ARIH1: variants seen among roughly 807,000 people sequenced by gnomAD.
The protein encoded by ARIH1 is E3 ubiquitin-protein ligase ARIH1.
A neutral mutation model predicts 85.0 loss-of-function variants in ARIH1; 8 were observed. The ratio of observed to expected loss-of-function variants is 0.09; its 90% CI spans 0.06 to 0.17. ARIH1 has a LOEUF of 0.17. Ranked by LOEUF, ARIH1 falls within the 10% of genes least tolerant of loss-of-function variation. The probability of loss-of-function intolerance (pLI) is 1.00; values close to 1 mark genes in which losing one functional copy is unlikely to be tolerated. For missense variants in ARIH1, 311 were observed against 718.1 expected (o/e 0.43, Z 6.48); for synonymous variants, 238 against 253.6 (o/e 0.94, Z 0.59).
chr15:72,573,988 A>T (rs186041226), intron 11 of ARIH1, among the ~76,000 whole-genome samples: 1 of 152,266 alleles, frequency 6.6e-6, no homozygotes, highest in Admixed American at 6.5e-5. Context: ...TTTATGATGC[A>T]TTACTTGATT....
intron 2 of ARIH1, among the ~76,000 whole-genome samples, chr15:72,521,486 G>C (rs1435032629): frequency 1.3e-5 from 2 of 151,410 alleles, no homozygotes; most frequent in South Asian, 2.1e-4. Flanking sequence ...CCATTCTCTT[G>C]ATGCTTTCTG....
chr15:72,476,794 A>G (rs2063796766), intron 1 of ARIH1, among the ~76,000 whole-genome samples: 1 of 152,212 alleles, frequency 6.6e-6, no homozygotes, highest in Non-Finnish European at 1.5e-5. Flanking sequence ...ATAGCCATTA[A>G]TATGGTTCCA....
rs2064326900 is a variant in ARIH1 at position 72,588,400 on chromosome 15, G to C, written c.*5108G>C. 6.6e-6 allele frequency: 1 copy of C among 152,154 alleles called. No individual in the cohort carries two copies. Among genetic ancestry groups the C allele is most frequent in the South Asian group, 2.1e-4 (1 of 4,830 alleles). The allele number at this position is 152,154 out of a possible 1,614,324, so 9.4% of individuals were successfully genotyped here. On this transcript the variant is annotated 3_prime_UTR_variant, in exon 14 of 14. Transcript: ENST00000379887. The stretch of plus-strand genomic sequence containing the variant: ...CTGAGAAGCTTTAAAAAATATTAGT[G>C]CCTGAGTGTTACTTTATGGAGATTA...
At chr15:72,516,087 G>T (rs1374092) in intron 1 of ARIH1, among the ~76,000 whole-genome samples, 111,240 of 152,122 alleles carry the variant, frequency 0.73, 47,041 homozygotes, top group Non-Finnish European at 0.93. Context: ...ACCAATAACA[G>T]ATTTGGGAAC....
intron 2 of ARIH1, among the ~76,000 whole-genome samples, chr15:72,535,571 A>G (rs1432927143): frequency 6.6e-6 from 1 of 152,244 alleles, no homozygotes; most frequent in East Asian, 1.9e-4. Context: ...CAACTTTTAC[A>G]GCCTGAGGAC....
chr15:72,515,084 C>T (rs898858206), intron 1 of ARIH1, among the ~76,000 whole-genome samples: 16 of 152,092 alleles, frequency 1.1e-4, no homozygotes, highest in African/African-American at 3.9e-4. Context: ...GCCTGTAATC[C>T]GAGCACTTTG....
chr15:72,504,107 T>G (rs1477451537), intron 1 of ARIH1, among the ~76,000 whole-genome samples: 11 of 152,162 alleles, frequency 7.2e-5, no homozygotes, highest in Admixed American at 7.2e-4. Context: ...CAGGCTGGAG[T>G]GCAGTGGCAC....
At chr15:72,538,595 A>T (rs972568925) in intron 2 of ARIH1, among the ~76,000 whole-genome samples, 1 of 152,200 alleles carries the variant, frequency 6.6e-6, no homozygotes, top group Admixed American at 6.5e-5. Context: ...GCCAGTGGTG[A>T]TCCCTACCAG....
chr15:72,565,758 T>C (rs749453600), intron 7 of ARIH1, among the ~76,000 whole-genome samples: 4 of 152,194 alleles, frequency 2.6e-5, no homozygotes, highest in Non-Finnish European at 5.9e-5. Context: ...AGATAAAACA[T>C]GACACATATA....
At chr15:72,567,299 CTTT>C (rs763442417) in intron 9 of ARIH1, 122 bp downstream of exon 9, 57 of 559,702 alleles carry the variant, frequency 1.0e-4, no homozygotes, top group South Asian at 1.3e-4. Context: ...TCCATTGAGT[CTTT>C]TTTTTTTTTT....
chr15:72,594,811 C>CCTTTTTT lies in ARIH1; in HGVS notation c.*11519_*11520insCTTTTTT. On this transcript the variant is annotated 3_prime_UTR_variant, in exon 14 of 14. Coordinates refer to ENST00000379887, the MANE Select transcript of ARIH1 (RefSeq NM_005744.5). ...TTTTTCTGATTTTATGCCTTTTCTT[C>CCTTTTTT]TTTTTTTTTTTTTTTTTTTTTTTTT... The CCTTTTTT allele has an allele frequency of 1.3e-5, 1 of 79,616 alleles. No homozygotes were observed. Among genetic ancestry groups the CCTTTTTT allele is most frequent in the Non-Finnish European group, 2.0e-5 (1 of 49,136 alleles). 4.9% of individuals were successfully genotyped at this position (79,616 alleles called of 1,614,324 possible).
intron 1 of ARIH1, among the ~76,000 whole-genome samples, chr15:72,487,835 A>G (rs1457328587): frequency 6.6e-6 from 1 of 152,218 alleles, no homozygotes. Flanking sequence ...TCAAAAGTCT[A>G]TCCCAGACTC....
chr15:72,514,138 C>T (rs1338213072), intron 1 of ARIH1, among the ~76,000 whole-genome samples: 1 of 151,732 alleles, frequency 6.6e-6, no homozygotes, highest in Non-Finnish European at 1.5e-5. Flanking sequence ...CTGCACCTAG[C>T]CTGTTTTTTG....
chr15:72,493,920 C>A (rs1040075256), intron 1 of ARIH1, among the ~76,000 whole-genome samples: 3 of 151,748 alleles, frequency 2.0e-5, no homozygotes. Flanking sequence ...TTTCTTGGTT[C>A]AAATTCAAAA....
At chr15:72,500,318 C>T (rs1443771798) in intron 1 of ARIH1, among the ~76,000 whole-genome samples, 1 of 152,174 alleles carries the variant, frequency 6.6e-6, no homozygotes. Flanking sequence ...TGATGTCGAT[C>T]TCTTGACCTC....
chr15:72,536,236 G>A (rs946340001), intron 2 of ARIH1, among the ~76,000 whole-genome samples: 6 of 152,092 alleles, frequency 3.9e-5, no homozygotes, highest in African/African-American at 1.4e-4. Flanking sequence ...TTTTGTAAAT[G>A]TCCTCCATAC....
At chr15:72,573,365 A>G (rs2064256905) in intron 11 of ARIH1, among the ~76,000 whole-genome samples, 1 of 152,128 alleles carries the variant, frequency 6.6e-6, no homozygotes, top group African/African-American at 2.4e-5. Context: ...GTTCCAGACC[A>G]GCCTGGCCAC....
At position 72,597,174 on chromosome 15, in the gene ARIH1, T is replaced by TC. The variant is rs1385413928; in HGVS notation, c.*13882_*13883insC. The TC allele has an allele frequency of 6.6e-6, 1 of 151,616 alleles. No homozygotes were observed. The highest frequency in any genetic ancestry group is 1.5e-5 in the Non-Finnish European group (1 of 67,916). The allele number at this position is 151,616 out of a possible 1,614,324, so 9.4% of individuals were successfully genotyped here. On this transcript the variant is annotated 3_prime_UTR_variant, in exon 14 of 14. Transcript: ENST00000379887. The stretch of plus-strand genomic sequence containing the variant: ...AAAACAGAGCATGCCCTTTGTTTTT[T>TC]TTTCAGGCCACTTGAATGGTGGCTC...
At chr15:72,520,774 C>G (rs1595859858) in intron 2 of ARIH1, among the ~76,000 whole-genome samples, 1 of 152,116 alleles carries the variant, frequency 6.6e-6, no homozygotes, top group African/African-American at 2.4e-5. Context: ...AAGACAAAAA[C>G]TGTAGCATAA....
Sources: allele counts gnomAD v4.1 joint callset (sites outside exome capture counted in the v4.1 genomes callset), GRCh38; gene constraint gnomAD v4.1.1; transcripts MANE v1.5; gene names NCBI Gene and HGNC (gene_info 2026-07-23, HGNC 2026-07-21).